TLN2: variants seen among roughly 807,000 people sequenced by gnomAD.
The protein encoded by TLN2 is talin 2.
TLN2 carries 118 observed loss-of-function variants against 294.7 expected under a neutral mutation model. That is an observed-to-expected ratio of 0.40 (90% confidence interval 0.34 to 0.47). The LOEUF is 0.47. Among genes scored for constraint, TLN2 ranks in the 20% least tolerant of loss-of-function variants. The pLI, the probability that TLN2 is intolerant of heterozygous loss-of-function variation, is 0.84. For missense variants in TLN2, 3,083 were observed against 3,282.2 expected (o/e 0.94, Z 1.48); for synonymous variants, 1,431 against 1,304.5 (o/e 1.10, Z -2.09).
intron 3 of TLN2, among the ~76,000 whole-genome samples, chr15:62,637,015 T>C (rs2050445745): frequency 6.6e-6 from 1 of 152,168 alleles, no homozygotes; most frequent in Non-Finnish European, 1.5e-5. Flanking sequence ...CACAGTGGTG[T>C]GTGCCTTAAT....
intron 3 of TLN2, among the ~76,000 whole-genome samples, chr15:62,642,731 T>C (rs1317993654): frequency 6.6e-6 from 1 of 151,114 alleles, no homozygotes; most frequent in Non-Finnish European, 1.5e-5. Flanking sequence ...AGAGTCTTGC[T>C]CTGTCACCCA....
At chr15:62,639,280 T>C (rs186371661) in intron 3 of TLN2, among the ~76,000 whole-genome samples, 5 of 152,140 alleles carry the variant, frequency 3.3e-5, no homozygotes, top group Admixed American at 2.6e-4. Context: ...TATATCTATC[T>C]TATTGCTGCT....
chr15:62,540,255 G>T (rs1268706628), intron 1 of TLN2, among the ~76,000 whole-genome samples: 6 of 152,050 alleles, frequency 3.9e-5, no homozygotes, highest in Admixed American at 3.9e-4. Flanking sequence ...CAGGAGAATC[G>T]CTTGAACCCG....
intron 2 of TLN2, among the ~76,000 whole-genome samples, chr15:62,596,645 C>G (rs967759545): frequency 1.3e-5 from 2 of 151,182 alleles, no homozygotes; most frequent in African/African-American, 4.9e-5. Context: ...GGCTGAGGCA[C>G]GCGAATGGCT....
intron 2 of TLN2, among the ~76,000 whole-genome samples, chr15:62,608,595 G>T (rs1388058112): frequency 2.0e-5 from 3 of 152,270 alleles, no homozygotes; most frequent in Non-Finnish European, 4.4e-5. Flanking sequence ...GTGTTGGGAG[G>T]TGGGTGGATT....
chr15:62,735,773 A>G lies in TLN2; in HGVS notation c.3359-1105A>G, dbSNP rs183953727. On this transcript the variant is annotated intron_variant, in intron 28 of 58. Coordinates refer to ENST00000636159, the MANE Select transcript of TLN2 (RefSeq NM_015059.3). ...TGATCCCATATGGCCACTTGAATATATATATAAGAACTTTCTTGTTAGATT... is the reference window on the plus strand; with the variant it reads ...TGATCCCATATGGCCACTTGAATATGTATATAAGAACTTTCTTGTTAGATT... Among the ~76,000 whole-genome samples, 213 of 152,354 alleles carry G rather than the reference A, an allele frequency of 1.4e-3. 1 individual carries two copies. The highest frequency in any genetic ancestry group is 2.5e-3 in the Non-Finnish European group (171 of 68,034).
intron 52 of TLN2, among the ~76,000 whole-genome samples, chr15:62,815,587 A>T (rs920555292): frequency 1.3e-5 from 2 of 152,328 alleles, no homozygotes; most frequent in African/African-American, 4.8e-5. Context: ...CTCTTCAGTG[A>T]GCTGCTTTTC....
At chr15:62,711,845 C>T in intron 21 of TLN2, 66 bp from the exon 22 acceptor site, 3 of 1,525,658 alleles carry the variant, frequency 2.0e-6, no homozygotes, top group South Asian at 1.3e-5. Flanking sequence ...ACTGTAGTGG[C>T]TCCTGAGGTT....
chr15:62,460,984 T>G (rs2036770088), intron 1 of TLN2, among the ~76,000 whole-genome samples: 1 of 152,118 alleles, frequency 6.6e-6, no homozygotes. Context: ...CTCGCTCTGT[T>G]GCCCAGCAGG....
intron 9 of TLN2, among the ~76,000 whole-genome samples, chr15:62,672,499 C>A (rs2055553334): frequency 6.6e-6 from 1 of 152,126 alleles, no homozygotes; most frequent in African/African-American, 2.4e-5. Flanking sequence ...TCATGATTGG[C>A]CATGAGTTGA....
intron 28 of TLN2, among the ~76,000 whole-genome samples, chr15:62,729,218 A>G (rs1461824511): frequency 6.6e-6 from 1 of 152,152 alleles, no homozygotes; most frequent in Non-Finnish European, 1.5e-5. Flanking sequence ...TATTAGTACT[A>G]TGCTTCCCTA....
At position 62,686,379 on chromosome 15, in the gene TLN2, C is replaced by A. The variant is rs142308232; in HGVS notation, c.958-262C>A. ...CAGTTCTATCCCATCTTTCTGGCAT[C>A]GTCTGTTTTTGGAGCAAGCTGCTCT... On this transcript the variant is annotated intron_variant, in intron 11 of 58. Transcript: ENST00000636159. Among the ~76,000 whole-genome samples, 75 of 152,268 alleles carry A rather than the reference C, an allele frequency of 4.9e-4. 1 individual carries two copies. In the East Asian group the frequency reaches 7.0e-3, roughly 14 times the overall value.
intron 1 of TLN2, among the ~76,000 whole-genome samples, chr15:62,473,346 CT>C (rs534278190): frequency 3.1e-3 from 447 of 143,668 alleles, no homozygotes; most frequent in East Asian, 0.016. Context: ...ACAAAACTGT[CT>C]TTTTTTTTTT....
intron 1 of TLN2, among the ~76,000 whole-genome samples, chr15:62,442,621 C>A (rs1450745957): frequency 2.6e-5 from 4 of 151,208 alleles, no homozygotes; most frequent in Non-Finnish European, 5.9e-5. Flanking sequence ...ATTTTGGTGA[C>A]CAGAAGTGTA....
chr15:62,440,631 A>G lies in TLN2; in HGVS notation c.-238+49946A>G, dbSNP rs2439713. 6.5e-3 allele frequency among the ~76,000 whole-genome samples: 994 copies of G among 152,246 alleles called. 6 individuals carry two copies. The highest frequency in any genetic ancestry group is 9.3e-3 in the Non-Finnish European group (634 of 68,038). Reference sequence around the variant, plus strand: ...TGGCAACCTCTCTTGCTGTTCTCTTATACCCCTATCCCTGTCTTGCCCTTG... The same window carrying G: ...TGGCAACCTCTCTTGCTGTTCTCTTGTACCCCTATCCCTGTCTTGCCCTTG... On this transcript the variant is annotated intron_variant, in intron 1 of 58. Coordinates refer to ENST00000636159, the MANE Select transcript of TLN2 (RefSeq NM_015059.3).
At chr15:62,711,706 T>C (rs958040436) in intron 21 of TLN2, among the ~76,000 whole-genome samples, 8 of 152,214 alleles carry the variant, frequency 5.3e-5, no homozygotes, top group African/African-American at 1.9e-4. Flanking sequence ...CTGGCTGTGT[T>C]TGGGGAGCCG....
intron 1 of TLN2, among the ~76,000 whole-genome samples, chr15:62,466,097 A>G (rs1173303271): frequency 1.3e-5 from 2 of 152,018 alleles, no homozygotes; most frequent in Non-Finnish European, 2.9e-5. Context: ...TGATCAGGGG[A>G]GGTATGATGA....
In TLN2 at chr15:62,407,893, C is replaced by A. The variant is rs1370675676; in HGVS notation, c.-238+17208C>A. 2.0e-5 allele frequency among the ~76,000 whole-genome samples: 3 copies of A among 151,622 alleles called. No individual in the cohort carries two copies. The East Asian group carries it at 5.8e-4, about 29-fold the overall frequency. The stretch of plus-strand genomic sequence containing the variant: ...TCACACCACAATACTCCTGCCTGGA[C>A]AACAGAGTGAGAGAGTGAGACTCTG... On this transcript the variant is annotated intron_variant, in intron 1 of 58. Coordinates refer to ENST00000636159, the MANE Select transcript of TLN2 (RefSeq NM_015059.3).
At chr15:62,759,370 G>A (rs1410516204) in intron 37 of TLN2, among the ~76,000 whole-genome samples, 4 of 152,222 alleles carry the variant, frequency 2.6e-5, no homozygotes, top group African/African-American at 9.7e-5. Flanking sequence ...GCTTTGACCT[G>A]CAAATAGCAA....
Sources: allele counts gnomAD v4.1 joint callset (sites outside exome capture counted in the v4.1 genomes callset), GRCh38; gene constraint gnomAD v4.1.1; transcripts MANE v1.5; gene names NCBI Gene and HGNC (gene_info 2026-07-23, HGNC 2026-07-21).